The following PCDH15 variants were observed in gnomAD, a reference collection of about 807,000 sequenced individuals.
The protein encoded by PCDH15 is protocadherin-15.
Under a neutral mutation model 178.5 loss-of-function variants are expected in PCDH15, and 129 were observed. The ratio of observed to expected loss-of-function variants is 0.72; its 90% confidence interval spans 0.63 to 0.84. The LOEUF is 0.84. Ranked by LOEUF, PCDH15 falls within the 40% of genes least tolerant of loss-of-function variation. The pLI is 0.00. For missense variants in PCDH15, 2,230 were observed against 2,099.9 expected (o/e 1.06, Z -1.21); for synonymous variants, 800 against 732.0 (o/e 1.09, Z -1.50).
chr10:54,664,088 G>A (rs2094532577), intron 2 of PCDH15, 84 bp downstream of exon 2: 2 of 992,636 alleles, frequency 2.0e-6, no homozygotes, highest in Non-Finnish European at 3.1e-6. Context: ...CTACAAATTA[G>A]CATTATTCAT....
chr10:54,138,121 AAAG>A (rs2043054785), intron 14 of PCDH15, among the ~76,000 whole-genome samples: 1 of 152,130 alleles, frequency 6.6e-6, no homozygotes, highest in Admixed American at 6.6e-5. Flanking sequence ...AGAATTTTTT[AAAG>A]AAATTTTTAT....
intron 1 of PCDH15, among the ~76,000 whole-genome samples, chr10:54,743,189 T>C (rs572289370): frequency 2.0e-5 from 3 of 152,200 alleles, no homozygotes; most frequent in Admixed American, 1.3e-4. Flanking sequence ...CCTGGATATC[T>C]TGGAACATCA....
At chr10:54,566,738 C>G (rs1296145940) in intron 2 of PCDH15, among the ~76,000 whole-genome samples, 1 of 152,148 alleles carries the variant, frequency 6.6e-6, no homozygotes, top group Non-Finnish European at 1.5e-5. Context: ...TATCCATTCA[C>G]TTACTGTAGA....
At position 54,869,308 on chromosome 10, in the gene PCDH15, T is replaced by C. The variant is rs1274781093; in HGVS notation, c.-29+28142A>G. Among the ~76,000 whole-genome samples the C allele has an allele frequency of 2.6e-5, 4 of 152,316 alleles. 1 individual carries two copies. The highest frequency in any genetic ancestry group is 4.1e-4 in the South Asian group (2 of 4,828). The stretch of plus-strand genomic sequence containing the variant: ...GAAGAAACTAAGAAGGACCTTATCC[T>C]AGAGGCTTCAGAGTTCAGCACAGCT... On this transcript the variant is annotated intron_variant, in intron 3 of 5. Coordinates refer to the PCDH15 transcript ENST00000458638.
In PCDH15 at chr10:54,532,646, A is replaced by G. The variant is rs539538138; in HGVS notation, c.92-4769T>C. ...TTTGTAACAATAAAATTAAAACAACACTCTGTACATTAATTCCCTTTTTTC... is the reference window on the plus strand; with the variant it reads ...TTTGTAACAATAAAATTAAAACAACGCTCTGTACATTAATTCCCTTTTTTC... On this transcript the variant is annotated intron_variant, in intron 2 of 37. Coordinates refer to ENST00000644397, the MANE Select transcript of PCDH15 (RefSeq NM_001384140.1). 1.2e-4 allele frequency among the ~76,000 whole-genome samples: 18 copies of G among 152,020 alleles called. 1 individual carries two copies. The highest frequency in any genetic ancestry group is 1.0e-3 in the South Asian group (5 of 4,820).
intron 2 of PCDH15, among the ~76,000 whole-genome samples, chr10:55,097,974 A>T (rs1461125056): frequency 6.6e-6 from 1 of 152,152 alleles, no homozygotes; most frequent in African/African-American, 2.4e-5. Context: ...AAGATAATGA[A>T]AGAAGAAAAT....
rs896849184 is a variant in PCDH15, at chr10:54,551,262, T to A, written c.92-23385A>T. Among the ~76,000 whole-genome samples, 50 of 150,150 alleles carry A rather than the reference T, an allele frequency of 3.3e-4. 1 individual carries two copies. Among genetic ancestry groups the A allele is most frequent in the African/African-American group, 1.2e-3 (48 of 40,816 alleles). On this transcript the variant is annotated intron_variant, in intron 2 of 37. Transcript: ENST00000644397. ...TATACTCACAAATATAAACAGACAG[T>A]GGGAGTGGGGACAAATTTGCATTCA...
intron 20 of PCDH15, among the ~76,000 whole-genome samples, chr10:53,997,211 T>G (rs957853135): frequency 6.6e-6 from 1 of 152,126 alleles, no homozygotes; most frequent in Non-Finnish European, 1.5e-5. Flanking sequence ...TGAAAAATAT[T>G]TTTACAATAA....
intron 2 of PCDH15, among the ~76,000 whole-genome samples, chr10:55,537,967 C>T (rs1350408588): frequency 6.6e-6 from 1 of 152,138 alleles, no homozygotes; most frequent in Non-Finnish European, 1.5e-5. Context: ...TCTGAGGCCT[C>T]AAGCCTTCAC....
rs1564539129 is a variant in PCDH15 at position 53,823,120 on chromosome 10, C to T, written c.4368-2890G>A. 1 of 1,613,822 alleles carries T rather than the reference C, an allele frequency of 6.2e-7. No homozygotes were observed. The highest frequency in any genetic ancestry group is 1.7e-5 in the Admixed American group (1 of 59,976). On this transcript the variant is annotated intron_variant, in intron 32 of 37. Coordinates refer to ENST00000644397, the MANE Select transcript of PCDH15 (RefSeq NM_001384140.1). ...TGTGAAATGTCTGAATTTGTTGATA[C>T]TTGACTTATGTTTTCCTTATAAAGG...
chr10:54,137,907 A>G (rs930631389), intron 14 of PCDH15, among the ~76,000 whole-genome samples: 2 of 152,126 alleles, frequency 1.3e-5, no homozygotes, highest in Admixed American at 6.5e-5. Context: ...TTGAGCCAAG[A>G]GTCTTAGAAG....
chr10:54,884,480 G>GGT (rs11473798), intron 3 of PCDH15, among the ~76,000 whole-genome samples: 57,375 of 148,544 alleles, frequency 0.39, 11,596 homozygotes, highest in Middle Eastern at 0.49. Flanking sequence ...TACTAAGATA[G>GGT]GTGTGTGTGT....
intron 3 of PCDH15, among the ~76,000 whole-genome samples, chr10:54,846,917 C>T (rs927647064): frequency 3.3e-5 from 5 of 152,284 alleles, no homozygotes; most frequent in African/African-American, 7.2e-5. Context: ...ATATAAGGTA[C>T]ATATAATGCA....
chr10:55,521,866 T>C (rs1018185761), intron 2 of PCDH15, among the ~76,000 whole-genome samples: 5 of 151,920 alleles, frequency 3.3e-5, no homozygotes, highest in Admixed American at 1.3e-4. Context: ...TACATTAGCA[T>C]GGAAGGCTGG....
At chr10:53,887,821 G>A (rs755940336) in intron 26 of PCDH15, among the ~76,000 whole-genome samples, 13 of 152,066 alleles carry the variant, frequency 8.5e-5, no homozygotes, top group South Asian at 6.2e-4. Context: ...CCCGGGAGGC[G>A]TAGCTTGCAG....
At chr10:54,300,511 C>T (rs1448996491) in intron 8 of PCDH15, among the ~76,000 whole-genome samples, 1 of 152,174 alleles carries the variant, frequency 6.6e-6, no homozygotes, top group East Asian at 1.9e-4. Context: ...CTCTGGAGGA[C>T]ACTACAGCTG....
chr10:55,040,847 C>T (rs1235746648), intron 2 of PCDH15, among the ~76,000 whole-genome samples: 2 of 150,980 alleles, frequency 1.3e-5, no homozygotes, highest in Non-Finnish European at 1.5e-5. Context: ...TTTCTCATTT[C>T]CCTTTCTACT....
At chr10:54,096,478 G>A (rs572309893) in intron 15 of PCDH15, among the ~76,000 whole-genome samples, 1 of 152,094 alleles carries the variant, frequency 6.6e-6, no homozygotes, top group South Asian at 2.1e-4. Flanking sequence ...TGTCATTGCT[G>A]TCATTGTCAA....
rs2132346037 is a variant in PCDH15 at position 53,805,375 on chromosome 10, A to C, written c.*1204T>G. The C allele has an allele frequency of 6.6e-6, 1 of 152,128 alleles. No individual in the cohort carries two copies. Among genetic ancestry groups the C allele is most frequent in the East Asian group, 1.9e-4 (1 of 5,168 alleles). 9.4% of individuals were successfully genotyped at this position (152,128 alleles called of 1,614,324 possible). A position where few individuals can be genotyped will look rare whatever the true frequency, so the allele number is the denominator to read the frequency against. ...TCATCTGGAAAATAAGCAACACACA[A>C]GGCAAGTTTTTTAAAGGATATTCTG... On this transcript the variant is annotated 3_prime_UTR_variant, in exon 38 of 38. Transcript: ENST00000644397.
Sources: allele counts gnomAD v4.1 joint callset (sites outside exome capture counted in the v4.1 genomes callset), GRCh38; gene constraint gnomAD v4.1.1; transcripts MANE v1.5; gene names NCBI Gene and HGNC (gene_info 2026-07-23, HGNC 2026-07-21).